The following PCDH15 variants were observed in gnomAD, a reference collection of about 807,000 sequenced individuals.
The protein encoded by PCDH15 is protocadherin-15.
In PCDH15, 129 loss-of-function variants were observed where a neutral mutation model predicts 178.5. That is an observed-to-expected ratio of 0.72 (90% CI 0.63 to 0.84). The LOEUF (loss-of-function observed/expected upper bound fraction) is 0.84, where lower values mean the gene tolerates loss of function less well. Among genes scored for constraint, PCDH15 ranks in the 40% least tolerant of loss-of-function variants. The pLI, the probability that PCDH15 is intolerant of heterozygous loss-of-function variation, is 0.00. For missense variants in PCDH15, 2,230 were observed against 2,099.9 expected (o/e 1.06, Z -1.21); for synonymous variants, 800 against 732.0 (o/e 1.09, Z -1.50).
chr10:55,213,643 C>G (rs2132173531), intron 1 of PCDH15, among the ~76,000 whole-genome samples: 1 of 151,338 alleles, frequency 6.6e-6, no homozygotes, highest in South Asian at 2.1e-4. Context: ...TATATTAAGT[C>G]CTCTTCCCTT....
intron 2 of PCDH15, among the ~76,000 whole-genome samples, chr10:55,496,991 A>C (rs947402138): frequency 2.0e-5 from 3 of 151,918 alleles, no homozygotes; most frequent in Non-Finnish European, 4.4e-5. Flanking sequence ...GGATTTATTT[A>C]ACCACAGAAT....
intron 2 of PCDH15, among the ~76,000 whole-genome samples, chr10:54,969,278 C>CTT (rs369925094): frequency 1.8e-4 from 27 of 152,000 alleles, no homozygotes; most frequent in African/African-American, 5.8e-4. Context: ...TTTGGTATGG[C>CTT]TTTTTTTATT....
intron 2 of PCDH15, among the ~76,000 whole-genome samples, chr10:55,389,247 C>G (rs552683246): frequency 1.3e-5 from 2 of 152,058 alleles, no homozygotes; most frequent in African/African-American, 4.8e-5. Context: ...GAAGTGAAGA[C>G]CTGTCAACTG....
At chr10:54,120,514 T>C (rs2095197515) in intron 15 of PCDH15, among the ~76,000 whole-genome samples, 1 of 152,168 alleles carries the variant, frequency 6.6e-6, no homozygotes, top group Non-Finnish European at 1.5e-5. Flanking sequence ...ATATGGCTGC[T>C]GTCTCCAAGA....
intron 2 of PCDH15, among the ~76,000 whole-genome samples, chr10:55,602,548 G>A (rs1376761681): frequency 1.3e-5 from 2 of 152,190 alleles, no homozygotes; most frequent in African/African-American, 2.4e-5. Flanking sequence ...TCTGAGAACA[G>A]GCAGACTGCC....
In PCDH15 at chr10:55,311,182, A is replaced by G. The variant is rs370454048; in HGVS notation, c.-156+8417T>C. 3.9e-4 allele frequency among the ~76,000 whole-genome samples: 59 copies of G among 152,330 alleles called. 1 individual carries two copies. The highest frequency in any genetic ancestry group is 1.3e-3 in the African/African-American group (56 of 41,574). On this transcript the variant is annotated intron_variant, in intron 1 of 5. Coordinates refer to the PCDH15 transcript ENST00000458638. Reference sequence around the variant, plus strand: ...AGAATCAGTTCTATCAGATTTCACAATATGTTCCTCAGTAACATAAAATTT... The same window carrying G: ...AGAATCAGTTCTATCAGATTTCACAGTATGTTCCTCAGTAACATAAAATTT...
At chr10:54,685,061 A>AT (rs1210347714) in intron 1 of PCDH15, among the ~76,000 whole-genome samples, 1 of 151,736 alleles carries the variant, frequency 6.6e-6, no homozygotes, top group African/African-American at 2.4e-5. Flanking sequence ...CTTTTAAAGC[A>AT]TTTTTTAAAC....
intron 1 of PCDH15, among the ~76,000 whole-genome samples, chr10:55,314,078 A>G (rs1843660423): frequency 6.6e-6 from 1 of 151,642 alleles, no homozygotes; most frequent in African/African-American, 2.4e-5. Context: ...TAGCAGATAT[A>G]GATTTGAACC....
intron 3 of PCDH15, among the ~76,000 whole-genome samples, chr10:54,414,190 T>C (rs901180787): frequency 6.6e-6 from 1 of 152,150 alleles, no homozygotes; most frequent in African/African-American, 2.4e-5. Flanking sequence ...AACAATAACA[T>C]GTCCTAGAAG....
At chr10:55,213,466 T>C (rs2132173313) in intron 1 of PCDH15, among the ~76,000 whole-genome samples, 1 of 152,178 alleles carries the variant, frequency 6.6e-6, no homozygotes, top group Admixed American at 6.5e-5. Context: ...AAGTCACCAA[T>C]TCAATTTTGT....
At chr10:55,597,914 T>A (rs1302923446) in intron 2 of PCDH15, among the ~76,000 whole-genome samples, 1 of 152,172 alleles carries the variant, frequency 6.6e-6, no homozygotes, top group East Asian at 1.9e-4. Context: ...GGCCTTTTTA[T>A]GAATTCTCAG....
intron 26 of PCDH15, among the ~76,000 whole-genome samples, chr10:53,898,095 T>C (rs2133588402): frequency 6.6e-6 from 1 of 150,802 alleles, no homozygotes; most frequent in African/African-American, 2.4e-5. Flanking sequence ...GCCTCCCGAG[T>C]AGCTGGGACT....
intron 21 of PCDH15, chr10:53,995,156 A>G (rs1244911209): frequency 1.3e-5 from 2 of 158,384 alleles, no homozygotes. Flanking sequence ...ATAATTTGGG[A>G]TATCTCAAAA....
intron 1 of PCDH15, among the ~76,000 whole-genome samples, chr10:55,231,302 A>G (rs1282662627): frequency 6.6e-6 from 1 of 151,936 alleles, no homozygotes; most frequent in African/African-American, 2.4e-5. Context: ...GGAGAATAAA[A>G]CCAATGTAAT....
chr10:54,398,562 T>C (rs764268692), intron 3 of PCDH15, among the ~76,000 whole-genome samples: 6 of 152,058 alleles, frequency 3.9e-5, no homozygotes, highest in Non-Finnish European at 7.4e-5. Flanking sequence ...AGACCACTTA[T>C]GTGATCTTAC....
At chr10:54,514,110 T>C (rs1001415000) in intron 3 of PCDH15, among the ~76,000 whole-genome samples, 1 of 152,240 alleles carries the variant, frequency 6.6e-6, no homozygotes, top group Non-Finnish European at 1.5e-5. Context: ...ACTCATGTAA[T>C]AAGATTTACA....
intron 8 of PCDH15, among the ~76,000 whole-genome samples, chr10:54,249,389 A>G (rs1454576166): frequency 6.6e-6 from 1 of 152,142 alleles, no homozygotes; most frequent in Non-Finnish European, 1.5e-5. Context: ...AGTGAGGGAG[A>G]TATACATCTA....
intron 1 of PCDH15, among the ~76,000 whole-genome samples, chr10:54,754,741 A>G (rs533085443): frequency 4.6e-5 from 7 of 152,190 alleles, no homozygotes; most frequent in Admixed American, 1.3e-4. Flanking sequence ...GCATTATTTA[A>G]AAAACAAAAC....
At chr10:53,898,608 C>A (rs988993586) in intron 26 of PCDH15, among the ~76,000 whole-genome samples, 4 of 152,122 alleles carry the variant, frequency 2.6e-5, no homozygotes, top group African/African-American at 9.7e-5. Flanking sequence ...AATTCATGTA[C>A]TTAAATGTGA....
Sources: gnomAD v4.1 joint callset for allele counts (sites outside exome capture counted in the v4.1 genomes callset) on GRCh38, gnomAD v4.1.1 for gene constraint, MANE v1.5 for transcripts, NCBI Gene and HGNC (gene_info 2026-07-23, HGNC 2026-07-21) for gene names.